The following REV3L variants were observed in gnomAD, a reference collection of about 807,000 sequenced individuals.
REV3L encodes DNA polymerase zeta catalytic subunit.
Under a neutral mutation model 299.4 loss-of-function variants are expected in REV3L, and 69 were observed. The ratio of observed to expected loss-of-function variants is 0.23; its 90% CI spans 0.19 to 0.28. The LOEUF is 0.28. REV3L is among the 10% of genes least tolerant of loss of function. REV3L has a pLI of 1.00. For missense variants in REV3L, 3,128 were observed against 3,693.8 expected, an observed-to-expected ratio of 0.85 and a Z score of 3.97; for synonymous variants, 1,238 against 1,271.4, an observed-to-expected ratio of 0.97 and a Z score of 0.56.
chr6:111,478,949 T>TAC (rs1793278433), intron 1 of REV3L, among the ~76,000 whole-genome samples: 1 of 152,236 alleles, frequency 6.6e-6, no homozygotes, highest in Non-Finnish European at 1.5e-5. Flanking sequence ...TATTTACTCC[T>TAC]ACTCTGCATC....
chr6:111,440,532 C>T (rs1788143719), intron 1 of REV3L, among the ~76,000 whole-genome samples: 1 of 152,168 alleles, frequency 6.6e-6, no homozygotes. Flanking sequence ...AAGGGACAGC[C>T]CTCCTGTCCC....
At position 111,377,685 on chromosome 6, in the gene REV3L, A is replaced by G. The variant is rs1054391818; in HGVS notation, c.1597+16T>C. The G allele has an allele frequency of 6.2e-7, 1 of 1,605,940 alleles. No individual in the cohort carries two copies. Among genetic ancestry groups the G allele is most frequent in the Middle Eastern group, 1.7e-4 (1 of 6,020 alleles). The stretch of plus-strand genomic sequence containing the variant: ...TCGTGAATAACCAATTTCTCACAGT[A>G]GACTTGTTTACTTACCACTATTTTC... On this transcript the variant is annotated intron_variant, in intron 12 of 31. Coordinates refer to ENST00000368802, the MANE Select transcript of REV3L (RefSeq NM_001372078.1).
At chr6:111,313,105 G>C (rs1171437755) in intron 28 of REV3L, 1 of 314,978 alleles carries the variant, frequency 3.2e-6, no homozygotes, top group African/African-American at 2.1e-5. Context: ...CAAGGCTGCA[G>C]TGAGCCAGGA....
Position 111,322,614 on chromosome 6 carries a change from T to C in REV3L, c.8306A>G (p.Asp2769Gly), listed in dbSNP as rs754622494. 1 of 1,614,170 alleles carries C rather than the reference T, an allele frequency of 6.2e-7. No individual in the cohort carries two copies. The highest frequency in any genetic ancestry group is 1.1e-5 in the South Asian group (1 of 91,084). ...TLERAIKLVN[D>G]TKKWGARVVY... ...AACCCTAGCCCCCCATTTCTTGGTA[T>C]CATTCACCAGTTTAATAGCTCGTTC... Residue 2769 changes from aspartate (D) to glycine (G), a missense_variant, in exon 26 of 32, where the codon GAT (aspartate) becomes GGT (glycine). This residue lies in a region of REV3L where 37 missense variants were observed against 100.1 expected (regional missense o/e 0.37). Coordinates refer to ENST00000368802, the MANE Select transcript of REV3L (RefSeq NM_001372078.1).
intron 1 of REV3L, among the ~76,000 whole-genome samples, chr6:111,450,883 T>G (rs1289845692): frequency 6.6e-6 from 1 of 152,196 alleles, no homozygotes; most frequent in East Asian, 1.9e-4. Context: ...AACCAGTCTG[T>G]GTTATGCAGA....
intron 4 of REV3L, among the ~76,000 whole-genome samples, chr6:111,394,021 C>T (rs990023839): frequency 9.2e-5 from 14 of 152,026 alleles, no homozygotes; most frequent in Non-Finnish European, 1.3e-4. Context: ...TTTCTTTATC[C>T]ATTCATCCAC....
chr6:111,365,892 G>A (rs910647080), intron 14 of REV3L, among the ~76,000 whole-genome samples: 1 of 152,268 alleles, frequency 6.6e-6, no homozygotes, highest in Non-Finnish European at 1.5e-5. Flanking sequence ...GTTACTAAGA[G>A]TAGATAAAAT....
chr6:111,447,268 T>C (rs1206823668), intron 1 of REV3L, among the ~76,000 whole-genome samples: 1 of 152,208 alleles, frequency 6.6e-6, no homozygotes, highest in Non-Finnish European at 1.5e-5. Context: ...GAATCACCAG[T>C]AAACCGGGAT....
intron 1 of REV3L, among the ~76,000 whole-genome samples, chr6:111,440,803 T>C (rs1384984410): frequency 2.0e-5 from 3 of 148,058 alleles, no homozygotes; most frequent in Admixed American, 6.8e-5. Flanking sequence ...ATTCCCTCAA[T>C]GTTTATTTGT....
intron 25 of REV3L, among the ~76,000 whole-genome samples, chr6:111,323,998 C>T (rs1774475639): frequency 6.6e-6 from 1 of 151,936 alleles, no homozygotes; most frequent in South Asian, 2.1e-4. Context: ...TTTATTTATT[C>T]TGATTTATTT....
At chr6:111,408,148 G>C (rs948454828) in intron 3 of REV3L, among the ~76,000 whole-genome samples, 22 of 152,158 alleles carry the variant, frequency 1.4e-4, no homozygotes, top group African/African-American at 5.1e-4. Context: ...CAAAGAAGAT[G>C]AATCTTGAGC....
chr6:111,422,713 A>C (rs1270749618), intron 1 of REV3L, among the ~76,000 whole-genome samples: 2 of 137,136 alleles, frequency 1.5e-5, no homozygotes, highest in African/African-American at 2.6e-5. Context: ...TCCCCCCACT[A>C]AATATACAAC....
intron 18 of REV3L, among the ~76,000 whole-genome samples, chr6:111,355,083 G>A (rs2114964635): frequency 6.6e-6 from 1 of 152,224 alleles, no homozygotes; most frequent in South Asian, 2.1e-4. Context: ...ATAGTCCAAG[G>A]AAATACAGAA....
intron 1 of REV3L, among the ~76,000 whole-genome samples, chr6:111,449,079 AAAC>A (rs1347241420): frequency 2.6e-5 from 4 of 152,206 alleles, no homozygotes; most frequent in Admixed American, 6.5e-5. Flanking sequence ...TAAACTTTAA[AAAC>A]GAGTAGGCAG....
chr6:111,352,172 A>T (rs1005481966), intron 18 of REV3L, among the ~76,000 whole-genome samples: 3 of 151,892 alleles, frequency 2.0e-5, no homozygotes, highest in Non-Finnish European at 4.4e-5. Flanking sequence ...ACGCCCGGCT[A>T]ATTTTTTGTA....
At chr6:111,332,301 A>G (rs978754269) in intron 23 of REV3L, among the ~76,000 whole-genome samples, 6 of 152,086 alleles carry the variant, frequency 3.9e-5, no homozygotes, top group East Asian at 1.9e-4. Context: ...TCGATCTCCT[A>G]ACCTCATGAT....
chr6:111,351,601 C>G, intron 19 of REV3L, 75 bp downstream of exon 19: 1 of 1,178,960 alleles, frequency 8.5e-7, no homozygotes, highest in Non-Finnish European at 1.2e-6. Flanking sequence ...CATAAGTACT[C>G]TTTAACATTC....
At chr6:111,438,995 T>G (rs997743598) in intron 1 of REV3L, among the ~76,000 whole-genome samples, 1 of 152,188 alleles carries the variant, frequency 6.6e-6, no homozygotes, top group Non-Finnish European at 1.5e-5. Flanking sequence ...CTATTCTAAA[T>G]CCACTTTCAA....
intron 1 of REV3L, among the ~76,000 whole-genome samples, chr6:111,468,639 G>A (rs1311171971): frequency 6.6e-6 from 1 of 152,162 alleles, no homozygotes; most frequent in East Asian, 1.9e-4. Flanking sequence ...TCTTGATGAA[G>A]ACATGGAAAA....
Sources: gnomAD v4.1 joint callset for allele counts (sites outside exome capture counted in the v4.1 genomes callset) on GRCh38, gnomAD v4.1.1 for gene constraint, gnomAD v4.1.1 regional missense constraint, MANE v1.5 for transcripts, NCBI Gene and HGNC (gene_info 2026-07-23, HGNC 2026-07-21) for gene names.